The following CASC3 variants were observed in gnomAD, a reference collection of about 807,000 sequenced individuals.
The protein encoded by CASC3 is protein CASC3.
CASC3 carries 30 observed loss-of-function variants against 80.5 expected under a neutral mutation model. The ratio of observed to expected loss-of-function variants is 0.37; its 90% CI spans 0.28 to 0.51. CASC3 has a LOEUF of 0.51. CASC3 is among the 20% of genes least tolerant of loss of function. CASC3 has a pLI of 0.94. For missense variants in CASC3, 824 were observed against 922.2 expected, an observed-to-expected ratio of 0.89 and a Z score of 1.38; for synonymous variants, 312 against 333.6, an observed-to-expected ratio of 0.94 and a Z score of 0.70.
intron 1 of CASC3, 125 bp downstream of exon 1, chr17:40,140,904 G>C (rs1465519388): frequency 3.9e-6 from 3 of 763,716 alleles, no homozygotes; most frequent in Non-Finnish European, 6.2e-6. Flanking sequence ...GTTTTTGAGA[G>C]AAAAGGGGAG....
At chr17:40,158,990 C>T (rs1490221002) in intron 3 of CASC3, among the ~76,000 whole-genome samples, 1 of 152,140 alleles carries the variant, frequency 6.6e-6, no homozygotes, top group Non-Finnish European at 1.5e-5. Context: ...AATCCTAGCA[C>T]TTTGGGAGGC....
Position 40,166,828 on chromosome 17 carries a change from A to T in CASC3, c.1503A>T (p.Gly501=). ...GMPNHIHMGA[G]PPPQFNRMEE... is the part of the protein sequence containing the mutation. ...CCAACCATATACACATGGGAGCAGG[A>T]CCTCCACCTCAGTTTAACCGGATGG... Residue 501 remains glycine, a synonymous_variant, in exon 8 of 14, where the codon GGA becomes GGT. Coordinates refer to ENST00000264645, the MANE Select transcript of CASC3 (RefSeq NM_007359.5). 1.9e-6 allele frequency: 3 copies of T among 1,605,800 alleles called. No homozygotes were observed. Among genetic ancestry groups the T allele is most frequent in the Non-Finnish European group, 2.5e-6 (3 of 1,177,266 alleles).
intron 7 of CASC3, among the ~76,000 whole-genome samples, chr17:40,164,750 C>CTTTTTTTTTTTTT (rs1022035416): frequency 6.7e-5 from 5 of 74,440 alleles, no homozygotes; most frequent in Non-Finnish European, 7.0e-5. Context: ...CGTGCCTGGC[C>CTTTTTTTTTTTTT]TTTTTTTTTT....
rs764387381 is a variant in CASC3, at chr17:40,140,675, G to T, written c.127G>T (p.Gly43Cys). ...GAGCTGCAGCGGTAGCGCCGGAGGC[G>T]GCGGCAGCGGCTCTCTGCCTTCACA... ...GGSCSGSAGG[G>C]GSGSLPSQRG... Residue 43 changes from glycine (G) to cysteine (C), a missense_variant, in exon 1 of 14, where the codon GGC becomes TGC. Physicochemically the swap from Gly to Cys is radical, Grantham distance 159. Transcript: ENST00000264645. 2 of 1,600,148 alleles carry T rather than the reference G, an allele frequency of 1.2e-6. No individual in the cohort carries two copies. Among genetic ancestry groups the T allele is most frequent in the South Asian group, 2.2e-5 (2 of 89,950 alleles).
At chr17:40,152,334 T>A (rs1231056556) in intron 3 of CASC3, among the ~76,000 whole-genome samples, 1 of 151,926 alleles carries the variant, frequency 6.6e-6, no homozygotes, top group African/African-American at 2.4e-5. Flanking sequence ...TTTTATTTTT[T>A]TTTTGAGACG....
chr17:40,165,036 T>C (rs1989414225), intron 7 of CASC3, among the ~76,000 whole-genome samples: 1 of 151,188 alleles, frequency 6.6e-6, no homozygotes, highest in African/African-American at 2.4e-5. Flanking sequence ...TTCTCCTGCC[T>C]CAGCCTCCTG....
At chr17:40,155,864 T>C (rs998797285) in intron 3 of CASC3, among the ~76,000 whole-genome samples, 2 of 152,168 alleles carry the variant, frequency 1.3e-5, no homozygotes, top group South Asian at 4.1e-4. Flanking sequence ...AGTGTGACCG[T>C]GTGGTAGCAC....
chr17:40,154,041 C>A (rs553820854), intron 3 of CASC3, among the ~76,000 whole-genome samples: 5 of 149,158 alleles, frequency 3.4e-5, no homozygotes, highest in African/African-American at 1.2e-4. Flanking sequence ...TCTAGATGTC[C>A]TATTAGGTAT....
At chr17:40,168,626 G>A (rs1309520746) in intron 11 of CASC3, 5 of 540,518 alleles carry the variant, frequency 9.3e-6, no homozygotes, top group Middle Eastern at 5.1e-4. Flanking sequence ...TTTTTTCTCC[G>A]TTGCCCAGGC....
intron 3 of CASC3, among the ~76,000 whole-genome samples, chr17:40,146,586 G>A (rs555675443): frequency 1.1e-4 from 17 of 151,840 alleles, no homozygotes; most frequent in African/African-American, 3.9e-4. Flanking sequence ...ACAGGCGCAC[G>A]CCACCATGCC....
chr17:40,165,407 A>G (rs768558728), intron 7 of CASC3, among the ~76,000 whole-genome samples: 1 of 152,060 alleles, frequency 6.6e-6, no homozygotes, highest in African/African-American at 2.4e-5. Flanking sequence ...GGGTCTTGCT[A>G]TATTGCCCAG....
chr17:40,154,080 T>A (rs1475818839), intron 3 of CASC3, among the ~76,000 whole-genome samples: 1 of 148,848 alleles, frequency 6.7e-6, no homozygotes, highest in African/African-American at 2.5e-5. Context: ...GATTTGCATT[T>A]CCCTGATGAC....
intron 3 of CASC3, among the ~76,000 whole-genome samples, chr17:40,155,725 T>G (rs1410688621): frequency 6.6e-6 from 1 of 152,214 alleles, no homozygotes; most frequent in African/African-American, 2.4e-5. Flanking sequence ...TGTATTAGAA[T>G]TTTTCAAAGG....
chr17:40,150,704 G>A (rs146452728), intron 3 of CASC3, among the ~76,000 whole-genome samples: 1 of 152,122 alleles, frequency 6.6e-6, no homozygotes, highest in African/African-American at 2.4e-5. Context: ...GGAATAAGAG[G>A]CATTTTTTTA....
chr17:40,155,263 T>A (rs1989117597), intron 3 of CASC3, among the ~76,000 whole-genome samples: 1 of 151,504 alleles, frequency 6.6e-6, no homozygotes, highest in South Asian at 2.1e-4. Flanking sequence ...TTTTGTTTTG[T>A]TTTGTTTTTT....
intron 3 of CASC3, among the ~76,000 whole-genome samples, chr17:40,155,855 G>A (rs1288779881): frequency 6.6e-6 from 1 of 152,190 alleles, no homozygotes; most frequent in Non-Finnish European, 1.5e-5. Flanking sequence ...TGCCAAAGCA[G>A]TGTGACCGTG....
At position 40,162,891 on chromosome 17, in the gene CASC3, C is replaced by T. The variant is rs779656187; in HGVS notation, c.775C>T (p.Arg259Trp). The change falls in exon 6 of 14, where the codon CGG becomes TGG. Residue 259 changes from arginine to tryptophan, a missense_variant. Physicochemically the swap from Arg to Trp is moderately radical, Grantham distance 101 (BLOSUM62 -3). Transcript: ENST00000264645. ...NPDDIKPRRI[R>W]KPRYGSPPQR... ...TGATGACATCAAACCTCGAAGAATC[C>T]GGAAACCCCGGTGAGGACATTTTAG... 1.9e-5 allele frequency: 31 copies of T among 1,613,330 alleles called. 1 individual carries two copies. Among genetic ancestry groups the T allele is most frequent in the South Asian group, 1.9e-4 (17 of 91,056 alleles).
intron 3 of CASC3, among the ~76,000 whole-genome samples, chr17:40,159,113 G>T (rs2145171252): frequency 6.6e-6 from 1 of 152,178 alleles, no homozygotes; most frequent in East Asian, 1.9e-4. Flanking sequence ...GTGTACATCT[G>T]TAGTCCCAGC....
intron 2 of CASC3, 152 bp downstream of exon 2, chr17:40,141,386 A>T (rs907799624): frequency 7.0e-6 from 6 of 856,496 alleles, no homozygotes; most frequent in African/African-American, 1.7e-5. Context: ...CATAGGCTTT[A>T]GCAGTATAGT....
Sources: allele counts gnomAD v4.1 joint callset (sites outside exome capture counted in the v4.1 genomes callset), GRCh38; gene constraint gnomAD v4.1.1; transcripts MANE v1.5; gene names NCBI Gene and HGNC (gene_info 2026-07-23, HGNC 2026-07-21).